VPS50: variants seen among roughly 807,000 people sequenced by gnomAD.
VPS50 encodes the protein syndetin.
In VPS50, 70 loss-of-function variants were observed where a neutral mutation model predicts 139.7. The observed-to-expected ratio is 0.50, with a 90% CI of 0.41 to 0.61. The LOEUF is 0.61. Ranked by LOEUF, VPS50 falls within the 20% of genes least tolerant of loss-of-function variation. The pLI is 0.00. For synonymous variants in VPS50, 365 were observed against 376.7 expected, an observed-to-expected ratio of 0.97 and a Z score of 0.36; for missense variants, 921 against 1,133.7, an observed-to-expected ratio of 0.81 and a Z score of 2.69.
At chr7:93,276,533 A>T in intron 12 of VPS50, 1 of 533,144 alleles carries the variant, frequency 1.9e-6, no homozygotes, top group South Asian at 6.0e-5. Flanking sequence ...TTCTCAATCG[A>T]CTCTTTACCA....
chr7:93,311,805 A>G (rs938699256), intron 20 of VPS50, among the ~76,000 whole-genome samples: 11 of 152,152 alleles, frequency 7.2e-5, no homozygotes, highest in African/African-American at 2.4e-4. Flanking sequence ...GATATTTTAA[A>G]TATTCAGGTT....
rs1398856613 is a variant in VPS50, at chr7:93,303,968, T to A, written c.1452+418T>A. Among the ~76,000 whole-genome samples, 3 of 152,008 alleles carry A rather than the reference T, an allele frequency of 2.0e-5. No individual in the cohort carries two copies. The East Asian group carries it at 5.8e-4, about 29-fold the overall frequency. The stretch of plus-strand genomic sequence containing the variant: ...TTTCTTAAAGGGACTAGTAGGTTCC[T>A]AATTTGTGCTGCAATTCTTAAATTT... On this transcript the variant is annotated intron_variant, in intron 17 of 27. Coordinates refer to ENST00000305866, the MANE Select transcript of VPS50 (RefSeq NM_017667.4).
Position 93,258,432 on chromosome 7 carries a change from A to G in VPS50, c.576+40A>G, listed in dbSNP as rs370687593. The G allele has an allele frequency of 3.4e-6, 5 of 1,477,370 alleles. No homozygotes were observed. The African/African-American group carries it at 5.6e-5, about 16-fold the overall frequency. The allele number at this position is 1,477,370 out of a possible 1,614,324, so 91.5% of individuals were successfully genotyped here. On this transcript the variant is annotated intron_variant, in intron 8 of 27. Coordinates refer to ENST00000305866, the MANE Select transcript of VPS50 (RefSeq NM_017667.4). ...TTTGGAAATTTAGGGTCCTACTGAT[A>G]TATAGAAACAGTAAAGCAGACAAAA...
At chr7:93,263,776 A>G (rs566379243) in intron 9 of VPS50, among the ~76,000 whole-genome samples, 8 of 152,334 alleles carry the variant, frequency 5.3e-5, no homozygotes, top group African/African-American at 1.7e-4. Flanking sequence ...GCCAAGTATA[A>G]TCGGCTCTCT....
intron 26 of VPS50, among the ~76,000 whole-genome samples, chr7:93,355,656 T>A (rs1229196284): frequency 6.6e-6 from 1 of 152,182 alleles, no homozygotes; most frequent in East Asian, 1.9e-4. Context: ...ACAAAGAGAC[T>A]TGAACTCATT....
intron 18 of VPS50, among the ~76,000 whole-genome samples, chr7:93,307,063 C>T (rs1401779636): frequency 1.3e-5 from 2 of 151,732 alleles, no homozygotes; most frequent in African/African-American, 2.4e-5. Flanking sequence ...TTAATTAAAA[C>T]TTAGATAGCA....
intron 12 of VPS50, among the ~76,000 whole-genome samples, chr7:93,287,398 A>T (rs559701948): frequency 6.6e-6 from 1 of 151,932 alleles, no homozygotes; most frequent in African/African-American, 2.4e-5. Context: ...CAAATCCTCA[A>T]GAGATAACAT....
At chr7:93,291,591 A>C in intron 12 of VPS50, 112 bp from the exon 13 acceptor site, 1 of 602,168 alleles carries the variant, frequency 1.7e-6, no homozygotes, top group Middle Eastern at 4.7e-4. Context: ...CAGTTGAAGA[A>C]ATTTTCTTGG....
chr7:93,236,340 G>C (rs1794799289), intron 1 of VPS50, among the ~76,000 whole-genome samples: 1 of 152,170 alleles, frequency 6.6e-6, no homozygotes, highest in South Asian at 2.1e-4. Context: ...AGAAATTAGG[G>C]ACTGGGTGTA....
In VPS50 at chr7:93,291,697, CT is replaced by C. The variant is rs1796653573; in HGVS notation, c.943-3del. 3.4e-6 allele frequency: 5 copies of C among 1,479,912 alleles called. No individual in the cohort carries two copies. The highest frequency in any genetic ancestry group is 4.5e-6 in the Non-Finnish European group (5 of 1,104,588). 91.7% of individuals were successfully genotyped at this position (1,479,912 alleles called of 1,614,324 possible). ...TTTGAAAGTTGTCTCTTATCATTTT[CT>C]TTAGCATGTTACACCAGACAGCTAT... is the stretch of plus-strand genomic sequence containing the variant. On this transcript the variant is annotated splice_polypyrimidine_tract_variant and splice_region_variant and intron_variant, in intron 12 of 27. Coordinates refer to ENST00000305866, the MANE Select transcript of VPS50 (RefSeq NM_017667.4).
At chr7:93,253,796 A>G (rs1795405986) in intron 3 of VPS50, 64 bp from the exon 4 acceptor site, 1 of 890,122 alleles carries the variant, frequency 1.1e-6, no homozygotes, top group Non-Finnish European at 1.8e-6. Context: ...AGAAGGGTCC[A>G]GGTAAATGAA....
At chr7:93,341,755 G>T (rs956030969) in intron 23 of VPS50, among the ~76,000 whole-genome samples, 180 bp downstream of exon 23, 1 of 152,112 alleles carries the variant, frequency 6.6e-6, no homozygotes, top group Non-Finnish European at 1.5e-5. Context: ...CTGCATGGTT[G>T]GTTTTTCAGT....
chr7:93,309,093 C>A (rs1469114546), intron 19 of VPS50, 151 bp downstream of exon 19: 2 of 447,252 alleles, frequency 4.5e-6, no homozygotes, highest in Non-Finnish European at 8.0e-6. Context: ...AAAAATGATT[C>A]CTGGAAGGCT....
At chr7:93,342,086 G>A (rs1035698918) in intron 23 of VPS50, among the ~76,000 whole-genome samples, 11 of 152,212 alleles carry the variant, frequency 7.2e-5, no homozygotes, top group African/African-American at 2.2e-4. Flanking sequence ...TCACTAGGGA[G>A]TGCCAGACAG....
intron 2 of VPS50, among the ~76,000 whole-genome samples, chr7:93,246,532 T>C (rs1020012594): frequency 4.0e-5 from 6 of 151,884 alleles, no homozygotes; most frequent in African/African-American, 1.4e-4. Context: ...GTACTGAAGA[T>C]TATGAGATTC....
intron 12 of VPS50, among the ~76,000 whole-genome samples, chr7:93,284,264 T>C (rs944628383): frequency 6.6e-6 from 1 of 152,182 alleles, no homozygotes; most frequent in African/African-American, 2.4e-5. Flanking sequence ...TATTTGATAG[T>C]GTTTTTATAT....
At chr7:93,348,061 ACTT>A (rs1798454469) in intron 23 of VPS50, among the ~76,000 whole-genome samples, 1 of 152,164 alleles carries the variant, frequency 6.6e-6, no homozygotes, top group Non-Finnish European at 1.5e-5. Flanking sequence ...AACGCATATA[ACTT>A]CTTTGGCATT....
intron 21 of VPS50, among the ~76,000 whole-genome samples, chr7:93,333,249 C>T (rs1036912212): frequency 5.9e-5 from 9 of 152,148 alleles, no homozygotes; most frequent in South Asian, 2.1e-4. Flanking sequence ...CTCTCTGACA[C>T]GTGTAAATAA....
Position 93,359,611 on chromosome 7 carries a change from A to G in VPS50, c.*1175A>G, listed in dbSNP as rs1584505890. 1 of 152,250 alleles carries G rather than the reference A, an allele frequency of 6.6e-6. No individual in the cohort carries two copies. The highest frequency in any genetic ancestry group is 2.4e-5 in the African/African-American group (1 of 41,572). The allele number at this position is 152,250 out of a possible 1,614,324, so 9.4% of individuals were successfully genotyped here. A position where few individuals can be genotyped will look rare whatever the true frequency, so the allele number is the denominator to read the frequency against. The stretch of plus-strand genomic sequence containing the variant: ...TGGAGGACATCTAAGCTTGTGTGGC[A>G]TTGGTCCAATGATTGCCATGCATGA... On this transcript the variant is annotated 3_prime_UTR_variant, in exon 28 of 28. Coordinates refer to ENST00000305866, the MANE Select transcript of VPS50 (RefSeq NM_017667.4).
Sources: gnomAD v4.1 joint callset for allele counts (sites outside exome capture counted in the v4.1 genomes callset) on GRCh38, gnomAD v4.1.1 for gene constraint, MANE v1.5 for transcripts, NCBI Gene and HGNC (gene_info 2026-07-23, HGNC 2026-07-21) for gene names.